The following TRRAP variants were observed in gnomAD, a reference collection of about 807,000 sequenced individuals.
The protein encoded by TRRAP is transformation/transcription domain-associated protein.
TRRAP carries 41 observed loss-of-function variants against 438.8 expected under a neutral mutation model. The observed-to-expected ratio is 0.09, with a 90% confidence interval of 0.07 to 0.12. The LOEUF (loss-of-function observed/expected upper bound fraction) is 0.12, where lower values mean the gene tolerates loss of function less well. Among genes scored for constraint, TRRAP ranks in the 10% least tolerant of loss-of-function variants. The probability of loss-of-function intolerance (pLI) is 1.00; values close to 1 mark genes in which losing one functional copy is unlikely to be tolerated. For synonymous variants in TRRAP, 1,994 were observed against 1,962.9 expected (o/e 1.02, Z -0.42); for missense variants, 3,122 against 5,055.1 (o/e 0.62, Z 11.60).
At position 98,992,626 on chromosome 7, in the gene TRRAP, C is replaced by G. The variant is rs372983261; in HGVS notation, c.9847+399C>G. 2.6e-5 allele frequency among the ~76,000 whole-genome samples: 4 copies of G among 151,852 alleles called. No individual in the cohort carries two copies. In the South Asian group the frequency reaches 6.2e-4, roughly 24 times the overall value. On this transcript the variant is annotated intron_variant, in intron 65 of 72. Transcript: ENST00000456197. ...GAGTATCTTCAGCTGTGAGAAGAAT[C>G]AGCATTGAAGTCAGTCTTACCAGAT...
chr7:98,942,018 G>C (rs1790818403), intron 30 of TRRAP, among the ~76,000 whole-genome samples: 1 of 152,240 alleles, frequency 6.6e-6, no homozygotes, highest in South Asian at 2.1e-4. Context: ...GGGCAGGTTT[G>C]AACAACGCAG....
At chr7:98,910,479 A>G in intron 15 of TRRAP, 31 bp from the exon 16 acceptor site, 1 of 1,613,720 alleles carries the variant, frequency 6.2e-7, no homozygotes, top group South Asian at 1.1e-5. Context: ...AGTTTTATTC[A>G]AGTTAACTTA....
At chr7:98,961,556 G>T in intron 46 of TRRAP, 82 bp downstream of exon 46, 1 of 1,511,370 alleles carries the variant, frequency 6.6e-7, no homozygotes, top group Non-Finnish European at 9.1e-7. Context: ...TTGTCCTCCA[G>T]TTATTGTGTC....
chr7:98,968,228 G>A (rs189959405), intron 51 of TRRAP, among the ~76,000 whole-genome samples: 87 of 152,062 alleles, frequency 5.7e-4, no homozygotes, highest in Non-Finnish European at 7.7e-4. Flanking sequence ...CATGTTGCCC[G>A]GGCTGGTCAC....
chr7:98,894,012 G>A, intron 6 of TRRAP, 131 bp downstream of exon 6: 2 of 782,750 alleles, frequency 2.6e-6, no homozygotes, highest in Middle Eastern at 3.3e-4. Context: ...TAAGTTTGGG[G>A]CAATTCTTTA....
intron 67 of TRRAP, among the ~76,000 whole-genome samples, chr7:98,996,379 AG>A (rs1347333028): frequency 6.6e-6 from 1 of 152,220 alleles, no homozygotes; most frequent in Admixed American, 6.5e-5. Flanking sequence ...CTCTCTTGCC[AG>A]GTTCTCACTG....
chr7:98,881,330 TG>T (rs1795418380), intron 2 of TRRAP, 80 bp downstream of exon 2: 7 of 1,358,802 alleles, frequency 5.2e-6, no homozygotes, highest in Non-Finnish European at 7.0e-6. Flanking sequence ...CCCAGCACTT[TG>T]GGAGGCCGAG....
rs782424206 is a variant in TRRAP at position 98,948,358 on chromosome 7, G to A, written c.4668+18G>A. The A allele has an allele frequency of 6.2e-7, 1 of 1,614,050 alleles. No individual in the cohort carries two copies. The highest frequency in any genetic ancestry group is 8.5e-7 in the Non-Finnish European group (1 of 1,180,000). On this transcript the variant is annotated intron_variant, in intron 34 of 72. Coordinates refer to ENST00000456197, the MANE Select transcript of TRRAP (RefSeq NM_001375524.1). This position sits in a 1 kb window ranked among gnomAD's most constrained non-coding sequence, Gnocchi z 4.9. ...TGATCGAGGTAAGGGCCATACTGAA[G>A]GCTGCTTCTCGCTCTGCCACCCTCC... is the stretch of plus-strand genomic sequence containing the variant.
intron 18 of TRRAP, among the ~76,000 whole-genome samples, chr7:98,915,362 T>G (rs937874881): frequency 3.3e-5 from 5 of 152,126 alleles, no homozygotes; most frequent in African/African-American, 1.2e-4. Context: ...CTGGCTAATT[T>G]TGTATTTTTA....
At chr7:98,942,715 A>C (rs1196349219) in intron 30 of TRRAP, among the ~76,000 whole-genome samples, 1 of 152,166 alleles carries the variant, frequency 6.6e-6, no homozygotes, top group Non-Finnish European at 1.5e-5. Flanking sequence ...TGGTATTGGA[A>C]CACCCGGGAG....
chr7:98,961,170 C>G (rs2116663537), intron 45 of TRRAP, 91 bp from the exon 46 acceptor site: 1 of 1,177,976 alleles, frequency 8.5e-7, no homozygotes, highest in Non-Finnish European at 1.3e-6. Context: ...ATAATTAATC[C>G]AGTGCTAGAT....
intron 56 of TRRAP, among the ~76,000 whole-genome samples, chr7:98,977,314 A>G (rs904072971): frequency 6.6e-6 from 1 of 151,944 alleles, no homozygotes; most frequent in African/African-American, 2.4e-5. Context: ...GGCGCCCACC[A>G]CCATGCCCAG....
intron 9 of TRRAP, 27 bp from the exon 10 acceptor site, chr7:98,899,652 A>T: frequency 6.2e-7 from 1 of 1,613,576 alleles, no homozygotes; most frequent in Non-Finnish European, 8.5e-7. Flanking sequence ...GTGTCAATGT[A>T]TGAAAATCTG....
In TRRAP at chr7:98,908,627, C is replaced by A; in HGVS notation, c.1116-101C>A. On this transcript the variant is annotated intron_variant, in intron 13 of 72. Coordinates refer to ENST00000456197, the MANE Select transcript of TRRAP (RefSeq NM_001375524.1). This position sits in a 1 kb window ranked among gnomAD's most constrained non-coding sequence, Gnocchi z 4.1. ...AATGGGCCATGTAAGTGTGCCGACC[C>A]AGGGGTGGTGTTCCTGGGGCAGATG... is the stretch of plus-strand genomic sequence containing the variant. The A allele has an allele frequency of 9.3e-7, 1 of 1,072,208 alleles. No individual in the cohort carries two copies. The highest frequency in any genetic ancestry group is 1.4e-6 in the Non-Finnish European group (1 of 738,674). The allele number at this position is 1,072,208 out of a possible 1,614,324, so 66.4% of individuals were successfully genotyped here.
chr7:98,971,690 C>T, intron 52 of TRRAP, 109 bp from the exon 53 acceptor site: 2 of 1,381,440 alleles, frequency 1.4e-6, no homozygotes, highest in East Asian at 2.3e-5. Context: ...TTCCAGGAAA[C>T]GAACACGAAT....
chr7:98,928,060 G>A (rs1433089578), intron 23 of TRRAP, among the ~76,000 whole-genome samples: 1 of 152,106 alleles, frequency 6.6e-6, no homozygotes, highest in Non-Finnish European at 1.5e-5. Flanking sequence ...CCAACATGGA[G>A]AAATCCCGTC....
In TRRAP at chr7:99,012,827, A is replaced by T. The variant is rs1794484118; in HGVS notation, c.*472A>T. On this transcript the variant is annotated 3_prime_UTR_variant, in exon 73 of 73. Transcript: ENST00000456197. The surrounding 1 kb of genome is among the most constrained non-coding windows in gnomAD (Gnocchi z 5.9). ...CATTTTGTTTGAGAAACAGGAGTTG[A>T]TGAACCCATCATGCTGGTTTTTCTC... is the stretch of plus-strand genomic sequence containing the variant. 1.3e-5 allele frequency: 2 copies of T among 157,166 alleles called. No individual in the cohort carries two copies. Among genetic ancestry groups the T allele is most frequent in the African/African-American group, 2.4e-5 (1 of 41,512 alleles). The allele number at this position is 157,166 out of a possible 1,614,324, so 9.7% of individuals were successfully genotyped here.
At chr7:98,878,850 G>A (rs1175353856) in intron 1 of TRRAP, among the ~76,000 whole-genome samples, 1 of 152,258 alleles carries the variant, frequency 6.6e-6, no homozygotes, top group African/African-American at 2.4e-5. Flanking sequence ...GAGGCGCAGC[G>A]CTCGCGGGCG....
At chr7:98,992,841 T>C (rs998114085) in intron 65 of TRRAP, among the ~76,000 whole-genome samples, 1 of 152,190 alleles carries the variant, frequency 6.6e-6, no homozygotes, top group Non-Finnish European at 1.5e-5. Flanking sequence ...GTGTGGTTGG[T>C]GAGAGGCGGT....
Sources: allele counts gnomAD v4.1 joint callset (sites outside exome capture counted in the v4.1 genomes callset), GRCh38; gene constraint gnomAD v4.1.1; non-coding constraint Gnocchi (gnomAD v3.1); transcripts MANE v1.5; gene names NCBI Gene and HGNC (gene_info 2026-07-23, HGNC 2026-07-21).